The following SPATA6 variants were observed in gnomAD, a reference collection of about 807,000 sequenced individuals.
SPATA6 encodes the protein spermatogenesis associated 6.
SPATA6 carries 56 observed loss-of-function variants against 65.3 expected under a neutral mutation model. That is an observed-to-expected ratio of 0.86 (90% CI 0.69 to 1.07). The LOEUF is 1.07. Among genes scored for constraint, SPATA6 ranks in the 50% least tolerant of loss-of-function variants. SPATA6 has a pLI of 0.00. For synonymous variants in SPATA6, 199 were observed against 213.2 expected, an observed-to-expected ratio of 0.93 and a Z score of 0.58; for missense variants, 590 against 594.8, an observed-to-expected ratio of 0.99 and a Z score of 0.08.
the SPATA6 span, among the ~76,000 whole-genome samples, chr1:48,281,854 A>C: frequency 3.9e-5 from 6 of 152,220 alleles, no homozygotes; most frequent in African/African-American, 1.4e-4. Flanking sequence ...ATAAGGAACC[A>C]AAAAAGAGCC....
At chr1:48,344,012 T>C (rs1646292628) in intron 11 of SPATA6, among the ~76,000 whole-genome samples, 1 of 151,874 alleles carries the variant, frequency 6.6e-6, no homozygotes, top group Non-Finnish European at 1.5e-5. Context: ...AAACAATAGG[T>C]TTATACCCAA....
rs964575281 is a variant in SPATA6 at position 48,361,662 on chromosome 1, C to T, written c.910-1892G>A. On this transcript the variant is annotated intron_variant, in intron 9 of 12. Transcript: ENST00000371847. ...AGACAGCTATCTAATTCTTCTCAGA[C>T]TCATTTCCCTCACATGAAAAATAAA... 3.9e-5 allele frequency among the ~76,000 whole-genome samples: 6 copies of T among 152,090 alleles called. No homozygotes were observed. In the East Asian group the frequency reaches 9.6e-4, roughly 24 times the overall value.
At chr1:48,423,564 C>CTTTTTT (rs781669150) in intron 3 of SPATA6, among the ~76,000 whole-genome samples, 141 of 121,056 alleles carry the variant, frequency 1.2e-3, no homozygotes, top group African/African-American at 2.3e-3. Context: ...TTCTTTCTTT[C>CTTTTTT]TTTTTTTTTT....
At chr1:48,312,116 C>A (rs1439678746) in intron 11 of SPATA6, among the ~76,000 whole-genome samples, 5 of 152,208 alleles carry the variant, frequency 3.3e-5, no homozygotes, top group Non-Finnish European at 4.4e-5. Flanking sequence ...GCCTGCCTCC[C>A]ACTGTAGACT....
chr1:48,282,589 C>T, the SPATA6 span, among the ~76,000 whole-genome samples: 2 of 152,152 alleles, frequency 1.3e-5, no homozygotes, highest in Non-Finnish European at 2.9e-5. Context: ...AAAAAATGCT[C>T]ACCATCACTG....
chr1:48,387,676 T>C (rs1024379041), intron 8 of SPATA6, among the ~76,000 whole-genome samples: 5 of 152,136 alleles, frequency 3.3e-5, no homozygotes, highest in Non-Finnish European at 7.4e-5. Flanking sequence ...CCTCCTCCCA[T>C]GCCAGACCAT....
chr1:48,405,876 CA>C (rs1468866737), intron 5 of SPATA6, among the ~76,000 whole-genome samples: 2 of 152,030 alleles, frequency 1.3e-5, no homozygotes, highest in Non-Finnish European at 2.9e-5. Context: ...CTCTCACATG[CA>C]AAATACATTC....
chr1:48,352,023 G>A (rs1212922703), intron 11 of SPATA6, among the ~76,000 whole-genome samples: 1 of 151,978 alleles, frequency 6.6e-6, no homozygotes, highest in Non-Finnish European at 1.5e-5. Flanking sequence ...TGCTGATAAA[G>A]ACATACCTGA....
chr1:48,377,603 T>C (rs147895278), intron 9 of SPATA6, among the ~76,000 whole-genome samples: 4 of 152,308 alleles, frequency 2.6e-5, no homozygotes, highest in South Asian at 2.1e-4. Context: ...TCCAAGTACA[T>C]ATGAATGTTT....
At chr1:48,308,595 C>A (rs1345729257) in intron 11 of SPATA6, among the ~76,000 whole-genome samples, 1 of 152,122 alleles carries the variant, frequency 6.6e-6, no homozygotes, top group Admixed American at 6.6e-5. Flanking sequence ...CCTTTCACTT[C>A]ATCCTGAAGA....
intron 11 of SPATA6, among the ~76,000 whole-genome samples, chr1:48,315,668 T>C (rs537992527): frequency 1.2e-4 from 18 of 152,224 alleles, no homozygotes; most frequent in African/African-American, 3.6e-4. Flanking sequence ...CTATTCAACA[T>C]AGTGTTGGAA....
At chr1:48,306,999 T>C (rs1645077560) in intron 11 of SPATA6, among the ~76,000 whole-genome samples, 1 of 151,906 alleles carries the variant, frequency 6.6e-6, no homozygotes, top group African/African-American at 2.4e-5. Context: ...TGTCCTTTTA[T>C]TTTCAGCCAT....
chr1:48,285,147 G>A, the SPATA6 span, among the ~76,000 whole-genome samples: 2 of 152,172 alleles, frequency 1.3e-5, no homozygotes, highest in African/African-American at 4.8e-5. Context: ...GGAATCTGGA[G>A]AGGCACTCTG....
At chr1:48,369,697 G>A (rs946344901) in intron 9 of SPATA6, among the ~76,000 whole-genome samples, 1 of 152,190 alleles carries the variant, frequency 6.6e-6, no homozygotes, top group Non-Finnish European at 1.5e-5. Context: ...TCTTTGATTA[G>A]GAAAGGGAAC....
At chr1:48,274,140 CTTCTT>C in the SPATA6 span, among the ~76,000 whole-genome samples, 1 of 152,114 alleles carries the variant, frequency 6.6e-6, no homozygotes, top group Admixed American at 6.5e-5. Context: ...ACATAAATGT[CTTCTT>C]TTGAGAAGTG....
At position 48,386,750 on chromosome 1, in the gene SPATA6, G is replaced by A. The variant is rs145457840; in HGVS notation, c.869-1401C>T. ...CCTGAAACTAACACAAGGAGCTGCC[G>A]GGAGATTGTACCATGCACTGCCCAA... On this transcript the variant is annotated intron_variant, in intron 8 of 12. Transcript: ENST00000371847. 5.0e-3 allele frequency among the ~76,000 whole-genome samples: 756 copies of A among 152,262 alleles called. 6 individuals are homozygous for A. Among genetic ancestry groups the A allele is most frequent in the South Asian group, 0.028 (134 of 4,822 alleles).
rs374901812 is a variant in SPATA6 at position 48,349,230 on chromosome 1, A to C, written c.1194+6440T>G. ...CTGCATATGATTACTTTCTTGCTAC[A>C]ACCACACAGCTGAGTAGTTGTCACA... is the stretch of plus-strand genomic sequence containing the variant. On this transcript the variant is annotated intron_variant, in intron 11 of 12. Coordinates refer to ENST00000371847, the MANE Select transcript of SPATA6 (RefSeq NM_019073.4). 1.4e-4 allele frequency among the ~76,000 whole-genome samples: 21 copies of C among 152,010 alleles called. 1 individual carries two copies. Among genetic ancestry groups the C allele is most frequent in the African/African-American group, 5.1e-4 (21 of 41,428 alleles).
intron 9 of SPATA6, among the ~76,000 whole-genome samples, chr1:48,363,336 A>T (rs2148826259): frequency 6.6e-6 from 1 of 152,230 alleles, no homozygotes; most frequent in African/African-American, 2.4e-5. Flanking sequence ...CTCATCACAG[A>T]AGGGTTATAT....
At chr1:48,280,927 A>G in the SPATA6 span, among the ~76,000 whole-genome samples, 1 of 152,174 alleles carries the variant, frequency 6.6e-6, no homozygotes, top group Non-Finnish European at 1.5e-5. Flanking sequence ...TGATGCAAAA[A>G]TCCTCAATAA....
Sources: gnomAD v4.1 joint callset for allele counts (sites outside exome capture counted in the v4.1 genomes callset) on GRCh38, gnomAD v4.1.1 for gene constraint, MANE v1.5 for transcripts, NCBI Gene and HGNC (gene_info 2026-07-23, HGNC 2026-07-21) for gene names.